Variants in MON2 observed in about 807,000 individuals in gnomAD.
MON2 encodes MON2 regulator of endosome-to-Golgi trafficking, also known as protein MON2 homolog.
In MON2, 84 loss-of-function variants were observed where a neutral mutation model predicts 208.6. That is an observed-to-expected ratio of 0.40 (90% CI 0.34 to 0.48). MON2 has a LOEUF of 0.48. Ranked by LOEUF, MON2 falls within the 20% of genes least tolerant of loss-of-function variation. The probability of loss-of-function intolerance (pLI) is 0.59; values close to 1 mark genes in which losing one functional copy is unlikely to be tolerated. For missense variants in MON2, 1,611 were observed against 2,015.4 expected, an observed-to-expected ratio of 0.80 and a Z score of 3.84; for synonymous variants, 660 against 694.0, an observed-to-expected ratio of 0.95 and a Z score of 0.77.
At chr12:62,503,602 G>A (rs1374478285) in intron 7 of MON2, among the ~76,000 whole-genome samples, 1 of 152,184 alleles carries the variant, frequency 6.6e-6, no homozygotes, top group Non-Finnish European at 1.5e-5. Flanking sequence ...AAAAGATGAA[G>A]TGTCCTTATG....
At chr12:62,506,186 T>C (rs902916595) in intron 7 of MON2, among the ~76,000 whole-genome samples, 1 of 152,248 alleles carries the variant, frequency 6.6e-6, no homozygotes, top group Non-Finnish European at 1.5e-5. Context: ...AAGTGGACTT[T>C]ACTTTTCATT....
At position 62,491,537 on chromosome 12, in the gene MON2, A is replaced by G. The variant is rs115985799; in HGVS notation, c.176-2378A>G. On this transcript the variant is annotated intron_variant, in intron 2 of 34. Coordinates refer to ENST00000393630, the MANE Select transcript of MON2 (RefSeq NM_015026.3). ...CTGAAGACTTCAGGCAGACAACTTT[A>G]AAGTGCAAATCACTGGGTCCTCTTT... Among the ~76,000 whole-genome samples, 1,376 of 152,248 alleles carry G rather than the reference A, an allele frequency of 9.0e-3. 23 individuals carry two copies. Among genetic ancestry groups the G allele is most frequent in the African/African-American group, 0.031 (1,300 of 41,536 alleles).
chr12:62,506,291 T>C (rs2071094997), intron 7 of MON2, among the ~76,000 whole-genome samples: 1 of 152,232 alleles, frequency 6.6e-6, no homozygotes, highest in Non-Finnish European at 1.5e-5. Flanking sequence ...TGAAAAAGTA[T>C]ATTAAAATAT....
chr12:62,478,906 C>G (rs1034200687), intron 1 of MON2, among the ~76,000 whole-genome samples: 1 of 152,090 alleles, frequency 6.6e-6, no homozygotes, highest in Non-Finnish European at 1.5e-5. Flanking sequence ...ACCAAAAAGA[C>G]TTCATGGCTG....
intron 8 of MON2, among the ~76,000 whole-genome samples, chr12:62,521,820 C>T (rs1172342594): frequency 6.6e-6 from 1 of 152,202 alleles, no homozygotes; most frequent in Non-Finnish European, 1.5e-5. Flanking sequence ...AGGTGCTTTT[C>T]TGCTCTCTGA....
chr12:62,577,101 C>A (rs1414052423), intron 30 of MON2, among the ~76,000 whole-genome samples: 2 of 151,910 alleles, frequency 1.3e-5, no homozygotes, highest in Non-Finnish European at 2.9e-5. Context: ...TATTACTAAA[C>A]CCTTACCTTC....
chr12:62,520,308 A>T (rs1442326073), intron 8 of MON2, among the ~76,000 whole-genome samples: 4 of 152,190 alleles, frequency 2.6e-5, no homozygotes, highest in Admixed American at 6.5e-5. Context: ...ACCACCATAT[A>T]TCAGAAGAGT....
At position 62,485,710 on chromosome 12, in the gene MON2, T is replaced by C. The variant is rs117592232; in HGVS notation, c.175+1477T>C. Among the ~76,000 whole-genome samples, 92 of 152,186 alleles carry C rather than the reference T, an allele frequency of 6.0e-4. 3 individuals are homozygous for C. The East Asian group carries it at 0.015, about 25-fold the overall frequency. On this transcript the variant is annotated intron_variant, in intron 2 of 34. Transcript: ENST00000393630. ...AAGTGGGTTTTTTTTGTTTGTCTGTTTGTTTTTCCTGAGATGGACTTTTGC... is the reference window on the plus strand; with the variant it reads ...AAGTGGGTTTTTTTTGTTTGTCTGTCTGTTTTTCCTGAGATGGACTTTTGC...
At chr12:62,485,179 A>G (rs536598353) in intron 2 of MON2, among the ~76,000 whole-genome samples, 1 of 152,288 alleles carries the variant, frequency 6.6e-6, no homozygotes, top group South Asian at 2.1e-4. Context: ...CTTACTCCCA[A>G]GTATTACATA....
At chr12:62,588,244 A>T (rs1232137471) in intron 34 of MON2, 88 bp downstream of exon 34, 8 of 901,106 alleles carry the variant, frequency 8.9e-6, no homozygotes, top group African/African-American at 1.7e-5. Context: ...ACTGAATTAT[A>T]GGAACATAGC....
intron 11 of MON2, among the ~76,000 whole-genome samples, chr12:62,529,099 G>A (rs1236934394): frequency 1.3e-5 from 2 of 152,066 alleles, no homozygotes; most frequent in South Asian, 2.1e-4. Flanking sequence ...AAGTGAGAAC[G>A]TGCAGTATTT....
rs1458316174 is a variant in MON2, at chr12:62,537,267, ATGTACT to A, written c.2013+9_2013+14del. ...CCAGCCTCAAGGGACAGTAATGGTA[ATGTACT>A]TGTATTTTTCTTGGTTATCAATTAG... is the stretch of plus-strand genomic sequence containing the variant. On this transcript the variant is annotated splice_donor_5th_base_variant and intron_variant, in intron 15 of 34. Coordinates refer to ENST00000393630, the MANE Select transcript of MON2 (RefSeq NM_015026.3). The A allele has an allele frequency of 3.8e-6, 6 of 1,578,040 alleles. No individual in the cohort carries two copies. The highest frequency in any genetic ancestry group is 1.1e-5 in the South Asian group (1 of 87,856).
Position 62,520,905 on chromosome 12 carries a change from C to CA in MON2, c.985-3599dup, listed in dbSNP as rs58807209. On this transcript the variant is annotated intron_variant, in intron 8 of 34. Transcript: ENST00000393630. ...TATTATTTTTTTTGAGACTCCATCT[C>CA]AAAAAAAAAAAGACATGTACTTATG... Among the ~76,000 whole-genome samples the CA allele has an allele frequency of 1.1e-3, 143 of 124,788 alleles. 1 individual carries two copies. Among genetic ancestry groups the CA allele is most frequent in the South Asian group, 3.9e-3 (16 of 4,094 alleles). The allele number at this position is 124,788 out of a possible 152,430, so 81.9% of individuals were successfully genotyped here. A position where few individuals can be genotyped will look rare whatever the true frequency, so the allele number is the denominator to read the frequency against.
chr12:62,536,874 A>T (rs1371666131), intron 14 of MON2, among the ~76,000 whole-genome samples: 1 of 151,922 alleles, frequency 6.6e-6, no homozygotes, highest in Non-Finnish European at 1.5e-5. Flanking sequence ...TTTTTAGAAG[A>T]GTCAGGACTT....
chr12:62,500,658 A>G, intron 5 of MON2, 125 bp from the exon 6 acceptor site: 1 of 545,550 alleles, frequency 1.8e-6, no homozygotes, highest in Non-Finnish European at 3.1e-6. Flanking sequence ...GGAAATTTTA[A>G]TTCTGAAATT....
At chr12:62,562,844 G>T (rs1446463057) in intron 26 of MON2, among the ~76,000 whole-genome samples, 1 of 152,086 alleles carries the variant, frequency 6.6e-6, no homozygotes, top group East Asian at 1.9e-4. Context: ...AGGACTTCAA[G>T]TTCTCAGTCT....
chr12:62,525,228 C>A lies in MON2; in HGVS notation c.1246+8C>A. 1.9e-6 allele frequency: 3 copies of A among 1,612,452 alleles called. No individual in the cohort carries two copies. The highest frequency in any genetic ancestry group is 2.5e-6 in the Non-Finnish European group (3 of 1,178,824). ...CAACAAGCAACCAAGCTGGTAAAAA[C>A]ATATTCATAATTTTGTTTCTTATAT... On this transcript the variant is annotated splice_region_variant and intron_variant, in intron 10 of 34. Coordinates refer to ENST00000393630, the MANE Select transcript of MON2 (RefSeq NM_015026.3).
At chr12:62,471,902 A>G (rs904110343) in intron 1 of MON2, among the ~76,000 whole-genome samples, 13 of 152,344 alleles carry the variant, frequency 8.5e-5, no homozygotes, top group African/African-American at 3.1e-4. Flanking sequence ...GAATGTGACA[A>G]ATTTGACAGA....
intron 7 of MON2, among the ~76,000 whole-genome samples, chr12:62,507,302 T>C (rs1167732633): frequency 2.0e-5 from 3 of 148,894 alleles, no homozygotes; most frequent in Non-Finnish European, 4.5e-5. Context: ...CTTTCTTTTT[T>C]CTTTTTCTTT....
Sources: gnomAD v4.1 joint callset for allele counts (sites outside exome capture counted in the v4.1 genomes callset) on GRCh38, gnomAD v4.1.1 for gene constraint, MANE v1.5 for transcripts, NCBI Gene and HGNC (gene_info 2026-07-23, HGNC 2026-07-21) for gene names.